KCTD16: variants seen among roughly 807,000 people sequenced by gnomAD.
KCTD16 encodes BTB/POZ domain-containing protein KCTD16.
A neutral mutation model predicts 33.2 loss-of-function variants in KCTD16; 13 were observed. The observed-to-expected ratio is 0.39, with a 90% CI of 0.25 to 0.62. The LOEUF (loss-of-function observed/expected upper bound fraction) is 0.62, where lower values mean the gene tolerates loss of function less well. Among genes scored for constraint, KCTD16 ranks in the 20% least tolerant of loss-of-function variants. The pLI is 0.50. For missense variants in KCTD16, 441 were observed against 525.1 expected (o/e 0.84, Z 1.57); for synonymous variants, 197 against 195.3 (o/e 1.01, Z -0.07).
chr5:144,270,123 G>A (rs1042634269), intron 3 of KCTD16, among the ~76,000 whole-genome samples: 5 of 151,738 alleles, frequency 3.3e-5, no homozygotes, highest in Admixed American at 2.0e-4. Flanking sequence ...AATGACAGAA[G>A]GAAATCTTTC....
intron 3 of KCTD16, among the ~76,000 whole-genome samples, chr5:144,332,468 A>G (rs1752384365): frequency 6.6e-6 from 1 of 152,130 alleles, no homozygotes; most frequent in Non-Finnish European, 1.5e-5. Flanking sequence ...TCTCTACCTG[A>G]CAGTAGCAGA....
chr5:144,239,965 A>AT lies in KCTD16; in HGVS notation c.832+32426dup, dbSNP rs556943384. Among the ~76,000 whole-genome samples the AT allele has an allele frequency of 3.3e-3, 499 of 152,158 alleles. 1 individual carries two copies. Among genetic ancestry groups the AT allele is most frequent in the Admixed American group, 5.6e-3 (85 of 15,262 alleles). On this transcript the variant is annotated intron_variant, in intron 3 of 3. Coordinates refer to ENST00000512467, the MANE Select transcript of KCTD16 (RefSeq NM_020768.4). The stretch of plus-strand genomic sequence containing the variant: ...TTCTGGGATAATAGTAATTGCTTCC[A>AT]TTTTTTTAAGTGCTTTGTATATGCC...
rs529124270 is a variant in KCTD16, at chr5:144,344,272, G to A, written c.833-129388G>A. Among the ~76,000 whole-genome samples the A allele has an allele frequency of 3.9e-5, 6 of 151,944 alleles. No homozygotes were observed. The South Asian group carries it at 8.3e-4, about 21-fold the overall frequency. Reference sequence around the variant, plus strand: ...GTAACAATCCTAGAAGAAAACCTAGGCATTACCATTCAGGACATAGGCATG... The same window carrying A: ...GTAACAATCCTAGAAGAAAACCTAGACATTACCATTCAGGACATAGGCATG... On this transcript the variant is annotated intron_variant, in intron 3 of 3. Coordinates refer to ENST00000512467, the MANE Select transcript of KCTD16 (RefSeq NM_020768.4).
chr5:144,460,861 G>A (rs1754177814), intron 3 of KCTD16, among the ~76,000 whole-genome samples: 1 of 152,034 alleles, frequency 6.6e-6, no homozygotes. Context: ...AAGATCAAAT[G>A]GGGTGCAATT....
At chr5:144,393,075 T>C (rs1752486163) in intron 3 of KCTD16, among the ~76,000 whole-genome samples, 1 of 152,220 alleles carries the variant, frequency 6.6e-6, no homozygotes, top group Non-Finnish European at 1.5e-5. Context: ...ATAACAATAC[T>C]ATGATGAATG....
At chr5:144,431,735 G>A (rs1016566024) in intron 3 of KCTD16, among the ~76,000 whole-genome samples, 3 of 152,076 alleles carry the variant, frequency 2.0e-5, no homozygotes, top group Non-Finnish European at 1.5e-5. Flanking sequence ...GGGAGACAAA[G>A]CTCGTATTTT....
chr5:144,433,324 G>T (rs868697361), intron 3 of KCTD16, among the ~76,000 whole-genome samples: 3 of 152,064 alleles, frequency 2.0e-5, no homozygotes, highest in African/African-American at 7.2e-5. Context: ...ATCCCTGGTG[G>T]CATGAGGCAA....
intron 3 of KCTD16, among the ~76,000 whole-genome samples, chr5:144,304,257 G>A (rs1286618631): frequency 1.3e-5 from 2 of 152,224 alleles, no homozygotes; most frequent in Admixed American, 6.5e-5. Flanking sequence ...TAATAGTGCT[G>A]TGGGGAAAGG....
chr5:144,203,166 C>T (rs903327963), intron 2 of KCTD16, among the ~76,000 whole-genome samples: 1 of 151,954 alleles, frequency 6.6e-6, no homozygotes, highest in Non-Finnish European at 1.5e-5. Flanking sequence ...GAACAGAACT[C>T]CTCATTTTAA....
chr5:144,428,579 A>G (rs552112804), intron 3 of KCTD16, among the ~76,000 whole-genome samples: 50 of 152,332 alleles, frequency 3.3e-4, no homozygotes, highest in Non-Finnish European at 6.5e-4. Context: ...TCATTTTACA[A>G]GGATTACCTT....
chr5:144,278,934 T>C (rs540768172), intron 3 of KCTD16, among the ~76,000 whole-genome samples: 137 of 152,360 alleles, frequency 9.0e-4, no homozygotes, highest in African/African-American at 3.2e-3. Context: ...TTTTAAAATA[T>C]TGGTTTCCAA....
At chr5:144,385,396 G>A (rs1752302027) in intron 3 of KCTD16, 1 of 152,096 alleles carries the variant, frequency 6.6e-6, no homozygotes, top group African/African-American at 2.4e-5. Context: ...TCAGTAACAT[G>A]CTTGGGGCCA....
chr5:144,207,782 T>C (rs1229278655), intron 3 of KCTD16, among the ~76,000 whole-genome samples: 2 of 152,350 alleles, frequency 1.3e-5, no homozygotes, highest in Admixed American at 1.3e-4. Flanking sequence ...ATGCAAATGA[T>C]ATTGGTATAT....
At chr5:144,244,694 G>A (rs1002036206) in intron 3 of KCTD16, among the ~76,000 whole-genome samples, 5 of 152,264 alleles carry the variant, frequency 3.3e-5, no homozygotes, top group Admixed American at 6.5e-5. Flanking sequence ...CTTTCCCAAT[G>A]TACCTTCAAA....
At chr5:144,245,027 T>G (rs1354674590) in intron 3 of KCTD16, among the ~76,000 whole-genome samples, 2 of 152,230 alleles carry the variant, frequency 1.3e-5, no homozygotes, top group Non-Finnish European at 2.9e-5. Flanking sequence ...TGATCAATAT[T>G]CTATTACAAG....
intron 3 of KCTD16, among the ~76,000 whole-genome samples, chr5:144,426,407 C>T (rs1753330401): frequency 6.6e-6 from 1 of 152,162 alleles, no homozygotes; most frequent in Non-Finnish European, 1.5e-5. Context: ...TGAGCTCTCA[C>T]CAGAATCACC....
chr5:144,290,373 C>T (rs1580848254), intron 3 of KCTD16, among the ~76,000 whole-genome samples: 2 of 151,980 alleles, frequency 1.3e-5, no homozygotes, highest in Admixed American at 6.6e-5. Flanking sequence ...GAAAATTCTC[C>T]GAATGGACTG....
At chr5:144,451,871 T>C (rs1753949986) in intron 3 of KCTD16, among the ~76,000 whole-genome samples, 1 of 152,106 alleles carries the variant, frequency 6.6e-6, no homozygotes, top group African/African-American at 2.4e-5. Flanking sequence ...AGTATCCTAA[T>C]TCATTAACTG....
chr5:144,389,078 A>T (rs1752394560), intron 3 of KCTD16, among the ~76,000 whole-genome samples: 1 of 152,176 alleles, frequency 6.6e-6, no homozygotes, highest in South Asian at 2.1e-4. Context: ...TTCCCATCAG[A>T]TAAGCTCCCT....
Sources: gnomAD v4.1 joint callset for allele counts (sites outside exome capture counted in the v4.1 genomes callset) on GRCh38, gnomAD v4.1.1 for gene constraint, MANE v1.5 for transcripts, NCBI Gene and HGNC (gene_info 2026-07-23, HGNC 2026-07-21) for gene names.